Variants in KPNA4 observed in about 807,000 individuals in gnomAD.
The protein encoded by KPNA4 is karyopherin subunit alpha 4, also known as importin subunit alpha-3.
KPNA4 carries 13 observed loss-of-function variants against 71.3 expected under a neutral mutation model. The ratio of observed to expected loss-of-function variants is 0.18; its 90% CI spans 0.12 to 0.29. The LOEUF (loss-of-function observed/expected upper bound fraction) is 0.29. Among genes scored for constraint, KPNA4 ranks in the 10% least tolerant of loss-of-function variants. KPNA4 has a pLI of 1.00. For synonymous variants in KPNA4, 189 were observed against 195.2 expected, an observed-to-expected ratio of 0.97 and a Z score of 0.26; for missense variants, 334 against 603.2, an observed-to-expected ratio of 0.55 and a Z score of 4.67.
chr3:160,508,678 G>GATTT (rs200338111), intron 14 of KPNA4, among the ~76,000 whole-genome samples: 1 of 151,748 alleles, frequency 6.6e-6, no homozygotes, highest in Non-Finnish European at 1.5e-5. Context: ...TGTTGCGCAG[G>GATTT]ATTTATTTAT....
intron 1 of KPNA4, among the ~76,000 whole-genome samples, chr3:160,549,530 T>C (rs1721995944): frequency 6.6e-6 from 1 of 152,212 alleles, no homozygotes. Context: ...TAAAGGACTA[T>C]CCTTTCTCCA....
Position 160,498,171 on chromosome 3 carries a change from T to C in KPNA4, c.*3933A>G, listed in dbSNP as rs905915495. ...AGGGAAGGGTTGGGACAGACTGTAA[T>C]TCATGGACTCTTATGAATCCCCTAA... On this transcript the variant is annotated 3_prime_UTR_variant, in exon 17 of 17. Transcript: ENST00000334256. The C allele has an allele frequency of 1.3e-5, 2 of 152,206 alleles. No individual in the cohort carries two copies. The highest frequency in any genetic ancestry group is 4.8e-5 in the African/African-American group (2 of 41,458). The allele number at this position is 152,206 out of a possible 1,614,324, so 9.4% of individuals were successfully genotyped here. A position where few individuals can be genotyped will look rare whatever the true frequency, so the allele number is the denominator to read the frequency against.
At chr3:160,521,560 G>A (rs566378781) in intron 11 of KPNA4, among the ~76,000 whole-genome samples, 3 of 152,242 alleles carry the variant, frequency 2.0e-5, no homozygotes, top group South Asian at 2.1e-4. Context: ...CTGAGATCAC[G>A]CCACCTCACT....
intron 10 of KPNA4, among the ~76,000 whole-genome samples, chr3:160,522,560 C>T (rs1721371937): frequency 6.6e-6 from 1 of 152,126 alleles, no homozygotes; most frequent in Admixed American, 6.5e-5. Context: ...CGGGTTCATG[C>T]CATTCTCCTG....
rs139852954 is a variant in KPNA4 at position 160,524,874 on chromosome 3, T to C, written c.771+926A>G. On this transcript the variant is annotated intron_variant, in intron 10 of 16. Coordinates refer to ENST00000334256, the MANE Select transcript of KPNA4 (RefSeq NM_002268.5). Reference sequence around the variant, plus strand: ...CTAATTTTAATTTGTTCCATACAAATTAAATTCTGGCCAAAAGGCATAGGC... The same window carrying C: ...CTAATTTTAATTTGTTCCATACAAACTAAATTCTGGCCAAAAGGCATAGGC... 7.6e-3 allele frequency among the ~76,000 whole-genome samples: 1,163 copies of C among 152,350 alleles called. 11 individuals are homozygous for C. The highest frequency in any genetic ancestry group is 9.3e-3 in the Non-Finnish European group (630 of 68,028).
chr3:160,516,049 C>T (rs1263920908), intron 11 of KPNA4, among the ~76,000 whole-genome samples: 4 of 152,192 alleles, frequency 2.6e-5, no homozygotes, highest in Non-Finnish European at 5.9e-5. Context: ...TGCAGTGGCT[C>T]GATCCTGGCT....
At chr3:160,522,882 T>TG (rs1018475382) in intron 10 of KPNA4, among the ~76,000 whole-genome samples, 2 of 91,700 alleles carry the variant, frequency 2.2e-5, no homozygotes, top group African/African-American at 4.7e-5. Flanking sequence ...CTGCTACTTA[T>TG]GAAAAAAAAA....
chr3:160,502,853 G>A (rs935496173), intron 16 of KPNA4, among the ~76,000 whole-genome samples: 1 of 152,134 alleles, frequency 6.6e-6, no homozygotes, highest in African/African-American at 2.4e-5. Flanking sequence ...GCTCATGCCT[G>A]TAATCCCAGC....
chr3:160,559,477 A>C (rs1722202012), intron 1 of KPNA4, among the ~76,000 whole-genome samples: 1 of 152,188 alleles, frequency 6.6e-6, no homozygotes, highest in Admixed American at 6.5e-5. Context: ...TTTCCAAATA[A>C]TCCAATGCAT....
chr3:160,536,872 A>G (rs761492062), intron 1 of KPNA4, 32 bp from the exon 2 acceptor site: 3 of 1,258,182 alleles, frequency 2.4e-6, no homozygotes, highest in Non-Finnish European at 3.5e-6. Context: ...ATATTTTTAA[A>G]ATCACCTCAA....
intron 1 of KPNA4, among the ~76,000 whole-genome samples, chr3:160,562,353 T>C (rs1722259666): frequency 6.6e-6 from 1 of 152,232 alleles, no homozygotes; most frequent in Non-Finnish European, 1.5e-5. Context: ...TCCATACTTC[T>C]TTCTGAAGAC....
At chr3:160,555,250 A>G (rs1722113297) in intron 1 of KPNA4, among the ~76,000 whole-genome samples, 1 of 152,214 alleles carries the variant, frequency 6.6e-6, no homozygotes, top group Admixed American at 6.5e-5. Context: ...TAGGAAAAAG[A>G]GTTTTTAGTT....
chr3:160,562,548 T>C (rs1192049188), intron 1 of KPNA4, among the ~76,000 whole-genome samples: 1 of 152,194 alleles, frequency 6.6e-6, no homozygotes, highest in Admixed American at 6.5e-5. Flanking sequence ...ATAGACCAGA[T>C]ATGTAAGTAA....
intron 1 of KPNA4, among the ~76,000 whole-genome samples, chr3:160,550,470 G>A (rs1722019270): frequency 6.6e-6 from 1 of 151,956 alleles, no homozygotes; most frequent in Admixed American, 6.6e-5. Context: ...TTGCTATATT[G>A]CCTAGGCTGC....
At chr3:160,555,749 C>T (rs2886825) in intron 1 of KPNA4, among the ~76,000 whole-genome samples, 87,576 of 151,894 alleles carry the variant, frequency 0.58, 26,008 homozygotes, top group African/African-American at 0.67. Flanking sequence ...CCATTGTATG[C>T]ATATACCATA....
chr3:160,557,147 A>G (rs1326955227), intron 1 of KPNA4, among the ~76,000 whole-genome samples: 1 of 152,204 alleles, frequency 6.6e-6, no homozygotes, highest in Admixed American at 6.5e-5. Flanking sequence ...AATTATTTGA[A>G]AACCTTAAGG....
At chr3:160,558,716 G>C (rs1435451967) in intron 1 of KPNA4, among the ~76,000 whole-genome samples, 1 of 152,030 alleles carries the variant, frequency 6.6e-6, no homozygotes, top group African/African-American at 2.4e-5. Flanking sequence ...AGAGTACACA[G>C]GGTCAAAACT....
intron 1 of KPNA4, among the ~76,000 whole-genome samples, chr3:160,549,154 G>A (rs1721988748): frequency 6.6e-6 from 1 of 152,128 alleles, no homozygotes; most frequent in African/African-American, 2.4e-5. Context: ...CTATTGTTGA[G>A]TTTTAGGAGT....
At position 160,521,788 on chromosome 3, in the gene KPNA4, A is replaced by C. The variant is rs1245752449; in HGVS notation, c.894T>G (p.Val298=). ...HLVPLLSHQE[V]KVQTAALRAV... The stretch of plus-strand genomic sequence containing the variant: ...CTAAGAACAAACTTACCTGAACTTT[A>C]ACTTCCTGGTGGCTGAGCAGAGGAA... Residue 298 remains valine (V), a synonymous_variant, in exon 11 of 17, where the codon GTT becomes GTG. Transcript: ENST00000334256. 1 of 1,611,190 alleles carries C rather than the reference A, an allele frequency of 6.2e-7. No homozygotes were observed. Among genetic ancestry groups the C allele is most frequent in the Non-Finnish European group, 8.5e-7 (1 of 1,179,716 alleles).
Sources: allele counts gnomAD v4.1 joint callset (sites outside exome capture counted in the v4.1 genomes callset), GRCh38; gene constraint gnomAD v4.1.1; transcripts MANE v1.5; gene names NCBI Gene and HGNC (gene_info 2026-07-23, HGNC 2026-07-21).